ZNF462: variants seen among roughly 807,000 people sequenced by gnomAD.
The protein encoded by ZNF462 is zinc finger PBX1-interacting protein.
Under a neutral mutation model 201.9 loss-of-function variants are expected in ZNF462, and 10 were observed. That is an observed-to-expected ratio of 0.05 (90% CI 0.03 to 0.08). The LOEUF (loss-of-function observed/expected upper bound fraction) is 0.08. Among genes scored for constraint, ZNF462 ranks in the 10% least tolerant of loss-of-function variants. The pLI is 1.00. For missense variants in ZNF462, 2,523 were observed against 3,168.3 expected (o/e 0.80, Z 4.89); for synonymous variants, 1,227 against 1,193.3 (o/e 1.03, Z -0.58).
At chr9:106,863,986 G>C (rs530904429) in intron 1 of ZNF462, among the ~76,000 whole-genome samples, 264 of 144,308 alleles carry the variant, frequency 1.8e-3, no homozygotes, top group African/African-American at 6.4e-3. Flanking sequence ...CCTGTCCCCC[G>C]CCCGATGGCA....
intron 6 of ZNF462, among the ~76,000 whole-genome samples, chr9:106,936,724 G>A (rs1385069578): frequency 2.6e-5 from 4 of 152,212 alleles, no homozygotes; most frequent in Admixed American, 2.6e-4. Context: ...CTATCCTGGT[G>A]AGTTTTGCCC....
At position 106,886,801 on chromosome 9, in the gene ZNF462, G is replaced by A. The variant is rs968031206; in HGVS notation, c.-31+23446G>A. ...TGTTGGCAGATAGCTTCTATTTCTC[G>A]TGCCAATTTTGATTGATTGGTGGAG... On this transcript the variant is annotated intron_variant, in intron 1 of 12. Transcript: ENST00000277225. This position sits in a 1 kb window ranked among gnomAD's most constrained non-coding sequence, Gnocchi z 4.6. Among the ~76,000 whole-genome samples the A allele has an allele frequency of 5.3e-5, 8 of 152,188 alleles. No homozygotes were observed. The highest frequency in any genetic ancestry group is 4.1e-4 in the South Asian group (2 of 4,822).
intron 1 of ZNF462, among the ~76,000 whole-genome samples, chr9:106,881,513 T>G (rs1056477324): frequency 6.6e-6 from 1 of 152,196 alleles, no homozygotes; most frequent in African/African-American, 2.4e-5. Context: ...TGAAAAGAAA[T>G]CTCTGGTGCA....
In ZNF462 at chr9:106,927,367, C is replaced by T; in HGVS notation, c.3455C>T (p.Pro1152Leu). The T allele has an allele frequency of 6.2e-7, 1 of 1,614,138 alleles. No individual in the cohort carries two copies. The highest frequency in any genetic ancestry group is 8.5e-7 in the Non-Finnish European group (1 of 1,180,002). ...VTAKYIRQAP[P>L]TAAMMRGVEG... is the part of the protein sequence containing the mutation. ...GCCAAATATATCAGACAGGCTCCTC[C>T]CACAGCTGCAATGATGAGAGGGGTC... Residue 1152 changes from proline (P) to leucine (L), a missense_variant, in exon 3 of 13, where the codon CCC becomes CTC. Pro to Leu is a moderately conservative substitution (Grantham distance 98). This residue lies in a region of ZNF462 where 222 missense variants were observed against 271.6 expected (regional missense o/e 0.82). Transcript: ENST00000277225.
chr9:106,968,291 T>C lies in ZNF462; in HGVS notation c.6428-3714T>C, dbSNP rs944826974. On this transcript the variant is annotated intron_variant, in intron 7 of 12. Transcript: ENST00000277225. This position sits in a 1 kb window ranked among gnomAD's most constrained non-coding sequence, Gnocchi z 4.0. The stretch of plus-strand genomic sequence containing the variant: ...AGACCGCACACCATAGTTGTGAGAA[T>C]TAATTGCTGGCTTCTGAATAAATTC... 1.3e-5 allele frequency among the ~76,000 whole-genome samples: 2 copies of C among 152,210 alleles called. No homozygotes were observed. Among genetic ancestry groups the C allele is most frequent in the African/African-American group, 4.8e-5 (2 of 41,466 alleles).
chr9:106,873,973 C>T (rs528074658), intron 1 of ZNF462, among the ~76,000 whole-genome samples: 4 of 152,194 alleles, frequency 2.6e-5, no homozygotes, highest in East Asian at 1.9e-4. Flanking sequence ...TCAAAACCTT[C>T]GTAGAAGGAT....
At chr9:106,868,073 T>TAA in intron 1 of ZNF462, among the ~76,000 whole-genome samples, 1 of 15,492 alleles carries the variant, frequency 6.5e-5, no homozygotes. Context: ...TCCAGTGAAC[T>TAA]GAAAAAAAAA....
Position 106,993,427 on chromosome 9 carries a change from A to G in ZNF462, c.7056+9018A>G, listed in dbSNP as rs998311360. Among the ~76,000 whole-genome samples the G allele has an allele frequency of 5.3e-5, 8 of 152,136 alleles. No homozygotes were observed. Among genetic ancestry groups the G allele is most frequent in the Non-Finnish European group, 1.0e-4 (7 of 68,020 alleles). On this transcript the variant is annotated intron_variant, in intron 10 of 12. Coordinates refer to ENST00000277225, the MANE Select transcript of ZNF462 (RefSeq NM_021224.6). This position sits in a 1 kb window ranked among gnomAD's most constrained non-coding sequence, Gnocchi z 4.0. ...CCTCATTTTATAGGTGATAAACACA[A>G]TCTTTCCTCCTAGATCTTTATCTTT... is the stretch of plus-strand genomic sequence containing the variant.
rs201860246 is a variant in ZNF462, at chr9:106,878,039, C to CA, written c.-31+14685dup. Among the ~76,000 whole-genome samples, 3 of 152,282 alleles carry CA rather than the reference C, an allele frequency of 2.0e-5. No individual in the cohort carries two copies. The East Asian group carries it at 5.8e-4, about 29-fold the overall frequency. The stretch of plus-strand genomic sequence containing the variant: ...GAGATGTATTTGGGAATGCTACTGT[C>CA]ACATGTGTTCAGTTCGTGACATGTA... On this transcript the variant is annotated intron_variant, in intron 1 of 12. Transcript: ENST00000277225.
At chr9:106,915,748 C>T (rs567621881) in intron 1 of ZNF462, among the ~76,000 whole-genome samples, 1 of 152,174 alleles carries the variant, frequency 6.6e-6, no homozygotes, top group Admixed American at 6.5e-5. Flanking sequence ...CATTTACGGT[C>T]TATATAGGCT....
chr9:106,913,580 C>G lies in ZNF462; in HGVS notation c.-30-9774C>G, dbSNP rs548156153. Among the ~76,000 whole-genome samples the G allele has an allele frequency of 7.2e-5, 11 of 151,774 alleles. No individual in the cohort carries two copies. In the South Asian group the frequency reaches 1.0e-3, roughly 14 times the overall value. ...CATTGTTTTTCACAGAAATTTTAGT[C>G]AGAGGTCACATGCTAAAGACTTAAC... On this transcript the variant is annotated intron_variant, in intron 1 of 12. Coordinates refer to ENST00000277225, the MANE Select transcript of ZNF462 (RefSeq NM_021224.6). This position sits in a 1 kb window ranked among gnomAD's most constrained non-coding sequence, Gnocchi z 4.1.
In ZNF462 at chr9:106,929,325, G is replaced by T. The variant is rs1024997608; in HGVS notation, c.5413G>T (p.Gly1805Cys). Residue 1805 changes from glycine to cysteine, a missense_variant, in exon 3 of 13, where the codon GGC (glycine) becomes TGC (cysteine). By Grantham distance (159) the Gly-to-Cys change is radical. Coordinates refer to ENST00000277225, the MANE Select transcript of ZNF462 (RefSeq NM_021224.6). This position sits in a 1 kb window ranked among gnomAD's most constrained non-coding sequence, Gnocchi z 8.7. ...PKKQHASKLG[G>C]YFTAVYADEH... The stretch of plus-strand genomic sequence containing the variant: ...GAAGCAGCACGCCAGCAAGTTGGGG[G>T]GCTACTTCACGGCCGTCTATGCAGA... 1 of 1,614,172 alleles carries T rather than the reference G, an allele frequency of 6.2e-7. No homozygotes were observed. The highest frequency in any genetic ancestry group is 2.2e-5 in the East Asian group (1 of 44,870).
chr9:106,955,783 C>T (rs1831547396), intron 7 of ZNF462, among the ~76,000 whole-genome samples: 1 of 152,140 alleles, frequency 6.6e-6, no homozygotes. Flanking sequence ...CAAAAGTAGT[C>T]TTCACCTCAA....
At chr9:106,879,332 A>ACTC in intron 1 of ZNF462, among the ~76,000 whole-genome samples, 2 of 70,704 alleles carry the variant, frequency 2.8e-5, no homozygotes, top group East Asian at 1.2e-3. Context: ...GATGCTTTCC[A>ACTC]CCCCCCCCCC....
chr9:106,944,763 A>G (rs1831030365), intron 7 of ZNF462, among the ~76,000 whole-genome samples: 1 of 152,102 alleles, frequency 6.6e-6, no homozygotes, highest in African/African-American at 2.4e-5. Context: ...CTTCTATGAG[A>G]TCAACTTTTC....
intron 7 of ZNF462, 92 bp downstream of exon 7, chr9:106,939,199 T>C (rs1413129641): frequency 1.6e-6 from 2 of 1,277,376 alleles, no homozygotes; most frequent in Non-Finnish European, 2.1e-6. Context: ...GAAAATCTTA[T>C]GTGAAAACAT....
At chr9:106,904,261 A>G (rs1829175657) in intron 1 of ZNF462, among the ~76,000 whole-genome samples, 1 of 152,118 alleles carries the variant, frequency 6.6e-6, no homozygotes, top group Non-Finnish European at 1.5e-5. Context: ...TAGGTCCCCA[A>G]TCCCTTCTAG....
At position 106,885,337 on chromosome 9, in the gene ZNF462, TAGAAG is replaced by T. The variant is rs1304087907; in HGVS notation, c.-31+21989_-31+21993del. ...AATGAAAAGAATGTTGTTTTAGAAGTAGAAGAGAAGAAACAATTGAGTAGAAAAAG... is the reference window on the plus strand; with the variant it reads ...AATGAAAAGAATGTTGTTTTAGAAGTAGAAGAAACAATTGAGTAGAAAAAG... On this transcript the variant is annotated intron_variant, in intron 1 of 12. Transcript: ENST00000277225. The surrounding 1 kb of genome is among the most constrained non-coding windows in gnomAD (Gnocchi z 4.1). 1.3e-5 allele frequency among the ~76,000 whole-genome samples: 2 copies of T among 152,186 alleles called. No individual in the cohort carries two copies. Among genetic ancestry groups the T allele is most frequent in the African/African-American group, 4.8e-5 (2 of 41,440 alleles).
chr9:106,965,330 G>A (rs1363799822), intron 7 of ZNF462, among the ~76,000 whole-genome samples: 1 of 150,370 alleles, frequency 6.7e-6, no homozygotes, highest in Admixed American at 6.6e-5. Flanking sequence ...GAGCAATAGG[G>A]CACACTCATA....
Sources: gnomAD v4.1 joint callset for allele counts (sites outside exome capture counted in the v4.1 genomes callset) on GRCh38, gnomAD v4.1.1 for gene constraint, gnomAD v4.1.1 regional missense constraint, Gnocchi (gnomAD v3.1) non-coding constraint, MANE v1.5 for transcripts, NCBI Gene and HGNC (gene_info 2026-07-23, HGNC 2026-07-21) for gene names.